Variants in DNAH17 observed in about 807,000 individuals in gnomAD.
DNAH17 encodes axonemal beta dynein heavy chain 17.
Under a neutral mutation model 485.6 loss-of-function variants are expected in DNAH17, and 376 were observed. That is an observed-to-expected ratio of 0.77 (90% CI 0.71 to 0.84). The LOEUF is 0.84. DNAH17 is among the 40% of genes least tolerant of loss of function. The probability of loss-of-function intolerance (pLI) is 0.00; values close to 1 mark genes in which losing one functional copy is unlikely to be tolerated. For synonymous variants in DNAH17, 3,031 were observed against 2,405.9 expected (o/e 1.26, Z -7.60); for missense variants, 6,370 against 5,839.3 (o/e 1.09, Z -2.96).
In DNAH17 at chr17:78,459,662, G is replaced by T; in HGVS notation, c.9653+122C>A. 6 of 1,049,588 alleles carry T rather than the reference G, an allele frequency of 5.7e-6. No individual in the cohort carries two copies. In the South Asian group the frequency reaches 7.5e-5, roughly 13 times the overall value. 65.0% of individuals were successfully genotyped at this position (1,049,588 alleles called of 1,614,324 possible). ...TCTTGGGGTGCTGTATGGGGAAGGG[G>T]CTGCCTAGATTTTGAGCCACAGGCC... On this transcript the variant is annotated intron_variant, in intron 60 of 80. Coordinates refer to ENST00000389840, the MANE Select transcript of DNAH17 (RefSeq NM_173628.4).
chr17:78,526,759 T>C (rs2091087887), intron 23 of DNAH17, 22 bp from the exon 24 acceptor site: 7 of 1,591,822 alleles, frequency 4.4e-6, no homozygotes, highest in Non-Finnish European at 6.0e-6. Flanking sequence ...GAGTGCAAAG[T>C]ACAGAGAGTC....
intron 48 of DNAH17, among the ~76,000 whole-genome samples, chr17:78,484,075 G>C (rs899702985): frequency 9.3e-6 from 1 of 107,850 alleles, no homozygotes; most frequent in Non-Finnish European, 1.7e-5. Context: ...CAGCCTGAGA[G>C]ACAGAGCGAG....
At chr17:78,566,891 C>G in intron 10 of DNAH17, 108 bp downstream of exon 10, 1 of 1,397,776 alleles carries the variant, frequency 7.2e-7, no homozygotes, top group Non-Finnish European at 9.7e-7. Flanking sequence ...TTGGGATCAC[C>G]TGGCACCTGC....
intron 25 of DNAH17, 137 bp from the exon 26 acceptor site, chr17:78,515,159 TAA>T: frequency 9.6e-7 from 1 of 1,036,608 alleles, no homozygotes; most frequent in Non-Finnish European, 1.4e-6. Flanking sequence ...CCGAGATCAG[TAA>T]AGTGATTAGA....
At chr17:78,557,656 A>G (rs958160057) in intron 14 of DNAH17, among the ~76,000 whole-genome samples, 1 of 149,488 alleles carries the variant, frequency 6.7e-6, no homozygotes, top group African/African-American at 2.5e-5. Flanking sequence ...AAAAAAAAAA[A>G]AAAAAAAGTA....
chr17:78,511,009 T>C (rs1374761328), intron 26 of DNAH17, among the ~76,000 whole-genome samples: 1 of 152,190 alleles, frequency 6.6e-6, no homozygotes, highest in African/African-American at 2.4e-5. Context: ...CCCCAGAAGC[T>C]GGAGGAGGCA....
intron 51 of DNAH17, among the ~76,000 whole-genome samples, chr17:78,477,811 C>T (rs1307996853): frequency 6.6e-6 from 1 of 152,138 alleles, no homozygotes; most frequent in African/African-American, 2.4e-5. Flanking sequence ...ATGTAAGGGG[C>T]CAAACCCAAT....
rs368545192 is a variant in DNAH17 at position 78,526,713 on chromosome 17, T to A, written c.3649A>T (p.Arg1217Trp). The A allele has an allele frequency of 1.6e-5, 26 of 1,610,314 alleles. No homozygotes were observed. The highest frequency in any genetic ancestry group is 2.0e-5 in the Non-Finnish European group (24 of 1,177,388). Residue 1217 changes from arginine to tryptophan, a missense_variant, in exon 24 of 81, where the codon AGG (arginine) becomes TGG (tryptophan). Coordinates refer to ENST00000389840, the MANE Select transcript of DNAH17 (RefSeq NM_173628.4). ...FELKQHEFRE[R>W]FRREAPFSFS... is the part of the protein sequence containing the mutation. ...GAGAACGGGGCCTCGCGCCTGAACC[T>A]CTCCCTGAACTCATGTTGCTTGAGC...
intron 44 of DNAH17, among the ~76,000 whole-genome samples, chr17:78,488,664 C>T (rs1227521786): frequency 6.6e-6 from 1 of 152,172 alleles, no homozygotes; most frequent in Non-Finnish European, 1.5e-5. Flanking sequence ...AATGTCCACC[C>T]AGAACCCAGA....
Position 78,570,667 on chromosome 17 carries a change from G to A in DNAH17, c.918+281C>T, listed in dbSNP as rs139942519. 6.3e-3 allele frequency among the ~76,000 whole-genome samples: 955 copies of A among 151,992 alleles called. 8 individuals carry two copies. Among genetic ancestry groups the A allele is most frequent in the African/African-American group, 0.022 (896 of 41,428 alleles). On this transcript the variant is annotated intron_variant, in intron 6 of 80. Coordinates refer to ENST00000389840, the MANE Select transcript of DNAH17 (RefSeq NM_173628.4). Reference sequence around the variant, plus strand: ...GAGGTCAGGAGATCGAGACCATCCTGGCCAACATAATGAAACCCCATCTCT... The same window carrying A: ...GAGGTCAGGAGATCGAGACCATCCTAGCCAACATAATGAAACCCCATCTCT...
chr17:78,428,805 C>T (rs2146416652), intron 76 of DNAH17, 98 bp from the exon 77 acceptor site: 2 of 1,415,780 alleles, frequency 1.4e-6, no homozygotes, highest in Non-Finnish European at 2.0e-6. Flanking sequence ...TTCACCCACA[C>T]CTTGCTGTCT....
At chr17:78,515,926 T>C (rs780778634) in intron 25 of DNAH17, among the ~76,000 whole-genome samples, 2 of 152,032 alleles carry the variant, frequency 1.3e-5, no homozygotes, top group East Asian at 3.8e-4. Context: ...CACAACAATA[T>C]GAAACAAAAT....
At chr17:78,445,987 C>T in intron 69 of DNAH17, among the ~76,000 whole-genome samples, 1 of 151,912 alleles carries the variant, frequency 6.6e-6, no homozygotes, top group East Asian at 1.9e-4. Flanking sequence ...GCCTGGCCAA[C>T]ATGGTGAAAC....
chr17:78,564,224 G>GAGA (rs1334915903), intron 11 of DNAH17, among the ~76,000 whole-genome samples: 2 of 152,258 alleles, frequency 1.3e-5, no homozygotes, highest in East Asian at 3.9e-4. Context: ...AACCCTGGGG[G>GAGA]AGGTTCAGCC....
chr17:78,473,543 CAAAAAAAAAAA>C (rs758795883), intron 54 of DNAH17, among the ~76,000 whole-genome samples: 1 of 55,446 alleles, frequency 1.8e-5, no homozygotes, highest in African/African-American at 6.9e-5. Flanking sequence ...GACTCTGTCT[CAAAAAAAAAAA>C]AAAAAAAAAA....
intron 19 of DNAH17, among the ~76,000 whole-genome samples, chr17:78,536,846 G>A (rs563337471): frequency 4.1e-4 from 63 of 152,108 alleles, no homozygotes; most frequent in African/African-American, 1.5e-3. Context: ...GGAGAGAAGT[G>A]GCCATGTCAT....
In DNAH17 at chr17:78,485,436, G is replaced by A. The variant is rs903702918; in HGVS notation, c.7483+114C>T. 15 of 1,018,626 alleles carry A rather than the reference G, an allele frequency of 1.5e-5. No individual in the cohort carries two copies. In the African/African-American group the frequency reaches 2.1e-4, roughly 14 times the overall value. The allele number at this position is 1,018,626 out of a possible 1,614,324, so 63.1% of individuals were successfully genotyped here. ...GGCCAGCGGGTGGGGCATGGGAAGTGAGGAGGTGCAAAGTGGCTAGTGAGT... is the reference window on the plus strand; with the variant it reads ...GGCCAGCGGGTGGGGCATGGGAAGTAAGGAGGTGCAAAGTGGCTAGTGAGT... On this transcript the variant is annotated intron_variant, in intron 47 of 80. Coordinates refer to ENST00000389840, the MANE Select transcript of DNAH17 (RefSeq NM_173628.4).
At chr17:78,426,062 T>G (rs1487939726) in intron 79 of DNAH17, among the ~76,000 whole-genome samples, 1 of 152,148 alleles carries the variant, frequency 6.6e-6, no homozygotes, top group Admixed American at 6.5e-5. Flanking sequence ...CGTGTCCAGC[T>G]GCTGTTTGCT....
At chr17:78,558,365 A>T (rs1568252510) in intron 13 of DNAH17, 111 bp from the exon 14 acceptor site, 4 of 1,335,128 alleles carry the variant, frequency 3.0e-6, no homozygotes, top group Non-Finnish European at 4.0e-6. Flanking sequence ...GCCGGGGGGG[A>T]TCTCAAAGTT....
Sources: gnomAD v4.1 joint callset for allele counts (sites outside exome capture counted in the v4.1 genomes callset) on GRCh38, gnomAD v4.1.1 for gene constraint, MANE v1.5 for transcripts, NCBI Gene and HGNC (gene_info 2026-07-23, HGNC 2026-07-21) for gene names.